The following LRBA variants were observed in gnomAD, a reference collection of about 807,000 sequenced individuals.
LRBA encodes lipopolysaccharide-responsive and beige-like anchor protein.
In LRBA, 176 loss-of-function variants were observed where a neutral mutation model predicts 330.0. The ratio of observed to expected loss-of-function variants is 0.53; its 90% CI spans 0.47 to 0.60. The LOEUF (loss-of-function observed/expected upper bound fraction) is 0.60, where lower values mean the gene tolerates loss of function less well. Ranked by LOEUF, LRBA falls within the 20% of genes least tolerant of loss-of-function variation. The pLI is 0.00. For missense variants in LRBA, 3,259 were observed against 3,444.8 expected (o/e 0.95, Z 1.35); for synonymous variants, 1,230 against 1,193.0 (o/e 1.03, Z -0.64).
chr4:150,572,736 C>T (rs77933322), intron 40 of LRBA, among the ~76,000 whole-genome samples: 581 of 152,192 alleles, frequency 3.8e-3, no homozygotes, highest in African/African-American at 0.013. Context: ...AAAGGTTGGG[C>T]GATTTATTGA....
chr4:150,311,593 G>T (rs985919671), intron 51 of LRBA, among the ~76,000 whole-genome samples: 2 of 152,134 alleles, frequency 1.3e-5, no homozygotes, highest in African/African-American at 4.8e-5. Context: ...ACACAACACG[G>T]CACACACGTA....
intron 2 of LRBA, among the ~76,000 whole-genome samples, chr4:150,973,005 G>A (rs994683744): frequency 6.6e-6 from 1 of 152,184 alleles, no homozygotes; most frequent in African/African-American, 2.4e-5. Context: ...ATTAGTCTTG[G>A]CCGGGACTGG....
chr4:150,820,348 A>G (rs997230086), intron 30 of LRBA, among the ~76,000 whole-genome samples: 2 of 152,006 alleles, frequency 1.3e-5, no homozygotes. Context: ...AATTCACTAA[A>G]AATATACAGT....
chr4:151,002,960 A>T (rs150779285), intron 2 of LRBA, among the ~76,000 whole-genome samples: 1 of 151,526 alleles, frequency 6.6e-6, no homozygotes. Context: ...GTTGCAGTGA[A>T]CCGAGATCGC....
intron 28 of LRBA, among the ~76,000 whole-genome samples, chr4:150,833,432 G>A (rs1320822479): frequency 6.6e-6 from 1 of 151,954 alleles, no homozygotes; most frequent in Non-Finnish European, 1.5e-5. Context: ...GATAAATCCA[G>A]GCATACCATG....
intron 47 of LRBA, among the ~76,000 whole-genome samples, chr4:150,396,448 C>G (rs551071443): frequency 3.8e-4 from 57 of 150,918 alleles, no homozygotes; most frequent in African/African-American, 1.3e-3. Flanking sequence ...CCCCCATAAT[C>G]ACACATGCCA....
At chr4:150,579,726 A>T (rs900461910) in intron 40 of LRBA, 1 of 456,320 alleles carries the variant, frequency 2.2e-6, no homozygotes, top group African/African-American at 2.0e-5. Context: ...GGGACGCCCC[A>T]CCCGAGAGAA....
chr4:150,299,625 T>C (rs1729394234), intron 53 of LRBA, among the ~76,000 whole-genome samples: 1 of 151,994 alleles, frequency 6.6e-6, no homozygotes, highest in South Asian at 2.1e-4. Flanking sequence ...CTATCAACTT[T>C]ACATATAACA....
At chr4:150,951,474 T>C (rs1736829512) in intron 2 of LRBA, among the ~76,000 whole-genome samples, 2 of 152,154 alleles carry the variant, frequency 1.3e-5, no homozygotes, top group South Asian at 4.1e-4. Context: ...GAGATCAGAA[T>C]GTGTCTTATA....
chr4:150,437,613 A>G (rs934690417), intron 44 of LRBA, among the ~76,000 whole-genome samples: 1 of 151,432 alleles, frequency 6.6e-6, no homozygotes, highest in African/African-American at 2.4e-5. Flanking sequence ...ATACTGGAAA[A>G]TAATACTTTA....
At chr4:150,997,162 T>C (rs547915905) in intron 2 of LRBA, among the ~76,000 whole-genome samples, 10 of 152,350 alleles carry the variant, frequency 6.6e-5, no homozygotes, top group African/African-American at 2.2e-4. Flanking sequence ...TTCAGCACTA[T>C]AGAATAAAGT....
rs780132940 is a variant in LRBA, at chr4:150,915,713, G to A, written c.909C>T (p.Thr303=). Residue 303 remains threonine (T), a synonymous_variant, in exon 8 of 57, where the codon ACC becomes ACT. Coordinates refer to ENST00000651943, the MANE Select transcript of LRBA (RefSeq NM_001364905.1). Reference sequence around the variant, plus strand: ...TCCATCGGTTATAGATGTGTACTATGGTAACCATATACCACTGCAGAAGCA... The same window carrying A: ...TCCATCGGTTATAGATGTGTACTATAGTAACCATATACCACTGCAGAAGCA... ...DFKPQKWYMV[T]IVHIYNRWKN... is the part of the protein sequence containing the mutation. 7 of 1,607,314 alleles carry A rather than the reference G, an allele frequency of 4.4e-6. No homozygotes were observed. The African/African-American group carries it at 8.0e-5, about 18-fold the overall frequency.
chr4:150,926,379 T>C (rs369350501), intron 4 of LRBA, among the ~76,000 whole-genome samples: 1 of 152,168 alleles, frequency 6.6e-6, no homozygotes, highest in African/African-American at 2.4e-5. Context: ...CACGCCTGAA[T>C]AGTAAAACTA....
chr4:150,491,404 CAT>C (rs1013850527), intron 40 of LRBA, among the ~76,000 whole-genome samples: 4 of 152,014 alleles, frequency 2.6e-5, no homozygotes, highest in African/African-American at 9.7e-5. Context: ...AAAAGAATGT[CAT>C]ATATGCTTAT....
At chr4:150,788,211 T>C (rs2126629479) in intron 34 of LRBA, among the ~76,000 whole-genome samples, 1 of 149,832 alleles carries the variant, frequency 6.7e-6, no homozygotes, top group South Asian at 2.1e-4. Context: ...TGGCTGGGAC[T>C]ACAGGCACAC....
chr4:150,404,001 CA>C (rs1262325478), intron 47 of LRBA, among the ~76,000 whole-genome samples: 1 of 152,020 alleles, frequency 6.6e-6, no homozygotes, highest in Admixed American at 6.6e-5. Flanking sequence ...CACTGTACTC[CA>C]GCCTGGGCGA....
intron 15 of LRBA, among the ~76,000 whole-genome samples, chr4:150,897,114 G>C (rs545178535): frequency 6.6e-6 from 1 of 151,520 alleles, no homozygotes; most frequent in Admixed American, 6.6e-5. Flanking sequence ...ATGGAAATAA[G>C]GTATCTGAAT....
At chr4:150,547,546 G>T (rs748985620) in intron 40 of LRBA, among the ~76,000 whole-genome samples, 20 of 152,188 alleles carry the variant, frequency 1.3e-4, no homozygotes, top group Non-Finnish European at 2.8e-4. Flanking sequence ...AATTTTCTCC[G>T]CTTTCCCTCA....
intron 37 of LRBA, among the ~76,000 whole-genome samples, chr4:150,647,610 G>A (rs1056035179): frequency 2.6e-5 from 4 of 151,678 alleles, no homozygotes; most frequent in Non-Finnish European, 5.9e-5. Flanking sequence ...TGTTGCCCAG[G>A]CTGGTCTTGA....
Sources: gnomAD v4.1 joint callset for allele counts (sites outside exome capture counted in the v4.1 genomes callset) on GRCh38, gnomAD v4.1.1 for gene constraint, MANE v1.5 for transcripts, NCBI Gene and HGNC (gene_info 2026-07-23, HGNC 2026-07-21) for gene names.